Variants in RCOR1 observed in about 807,000 individuals in gnomAD.
The protein encoded by RCOR1 is REST corepressor 1.
In RCOR1, 12 loss-of-function variants were observed where a neutral mutation model predicts 64.0. The observed-to-expected ratio is 0.19, with a 90% CI of 0.12 to 0.30. RCOR1 has a LOEUF of 0.30. Ranked by LOEUF, RCOR1 falls within the 10% of genes least tolerant of loss-of-function variation. The pLI, the probability that RCOR1 is intolerant of heterozygous loss-of-function variation, is 1.00. For missense variants in RCOR1, 502 were observed against 621.2 expected, an observed-to-expected ratio of 0.81 and a Z score of 2.04; for synonymous variants, 279 against 227.2, an observed-to-expected ratio of 1.23 and a Z score of -2.05.
At chr14:102,672,848 G>A (rs1191157173) in intron 2 of RCOR1, among the ~76,000 whole-genome samples, 1 of 152,180 alleles carries the variant, frequency 6.6e-6, no homozygotes, top group East Asian at 1.9e-4. Flanking sequence ...CAGTTGACAA[G>A]TAAAATATAG....
In RCOR1 at chr14:102,707,395, A is replaced by G. The variant is rs931962759; in HGVS notation, c.543A>G (p.Ser181=). The G allele has an allele frequency of 2.5e-6, 4 of 1,613,348 alleles. No homozygotes were observed. The highest frequency in any genetic ancestry group is 1.3e-5 in the African/African-American group (1 of 74,884). ...GGCATAAACATAATATCGAAAAGTC[A>G]TTGGCTGATTTGCCCAACTTTACCC... ...LFWHKHNIEK[S]LADLPNFTPF... Residue 181 remains serine, a synonymous_variant, in exon 5 of 12, where the codon TCA becomes TCG. Coordinates refer to ENST00000262241, the MANE Select transcript of RCOR1 (RefSeq NM_015156.4).
chr14:102,719,734 GCTT>G (rs925744683), intron 8 of RCOR1, among the ~76,000 whole-genome samples: 1 of 152,146 alleles, frequency 6.6e-6, no homozygotes, highest in Non-Finnish European at 1.5e-5. Context: ...TACTCTCTCT[GCTT>G]CTTTTATAAC....
intron 2 of RCOR1, among the ~76,000 whole-genome samples, chr14:102,623,822 C>T (rs918950334): frequency 2.1e-4 from 32 of 151,446 alleles, no homozygotes; most frequent in Admixed American, 1.8e-3. Context: ...TTTGGGAGGC[C>T]GAGGCAGGCG....
At chr14:102,605,891 C>T (rs1893496630) in intron 2 of RCOR1, among the ~76,000 whole-genome samples, 3 of 151,984 alleles carry the variant, frequency 2.0e-5, no homozygotes, top group Middle Eastern at 3.2e-3. Flanking sequence ...ATGATCCTGA[C>T]TGTAGGCTAG....
chr14:102,713,193 A>G (rs991722929), intron 7 of RCOR1, among the ~76,000 whole-genome samples: 1 of 150,752 alleles, frequency 6.6e-6, no homozygotes, highest in African/African-American at 2.4e-5. Flanking sequence ...ACCTCAAGTG[A>G]TCCACCCACC....
chr14:102,712,652 C>T (rs1895983708), intron 7 of RCOR1, among the ~76,000 whole-genome samples: 1 of 142,728 alleles, frequency 7.0e-6, no homozygotes, highest in African/African-American at 2.5e-5. Context: ...GTTCTAGATA[C>T]ATTGTTAAGG....
At chr14:102,629,535 T>C (rs1410437336) in intron 2 of RCOR1, among the ~76,000 whole-genome samples, 1 of 151,420 alleles carries the variant, frequency 6.6e-6, no homozygotes, top group Non-Finnish European at 1.5e-5. Context: ...ACGGACGGAA[T>C]TTCGAAGCTT....
intron 7 of RCOR1, among the ~76,000 whole-genome samples, chr14:102,713,884 G>C (rs984537129): frequency 6.6e-6 from 1 of 152,196 alleles, no homozygotes; most frequent in Non-Finnish European, 1.5e-5. Context: ...TTACCAGTAA[G>C]TTATATTCTT....
intron 4 of RCOR1, among the ~76,000 whole-genome samples, chr14:102,702,482 T>TAA (rs1895772608): frequency 6.7e-6 from 1 of 149,760 alleles, no homozygotes. Context: ...ATCATATATA[T>TAA]AACATATAAA....
chr14:102,721,441 A>G (rs1462698438), intron 10 of RCOR1, 64 bp downstream of exon 10: 2 of 1,226,604 alleles, frequency 1.6e-6, no homozygotes, highest in African/African-American at 3.0e-5. Context: ...CTGTAATCCC[A>G]ACATTTTGGA....
At chr14:102,675,255 C>G (rs1895120043) in intron 2 of RCOR1, among the ~76,000 whole-genome samples, 2 of 152,026 alleles carry the variant, frequency 1.3e-5, no homozygotes, top group South Asian at 4.2e-4. Flanking sequence ...AATACTCCTC[C>G]CTTATCCATG....
At chr14:102,609,745 A>C (rs147853470) in intron 2 of RCOR1, among the ~76,000 whole-genome samples, 2 of 151,378 alleles carry the variant, frequency 1.3e-5, no homozygotes, top group African/African-American at 4.8e-5. Context: ...GCTACTGATG[A>C]CAGTGCAGAG....
At chr14:102,696,902 A>G (rs1308678168) in intron 3 of RCOR1, among the ~76,000 whole-genome samples, 1 of 147,838 alleles carries the variant, frequency 6.8e-6, no homozygotes, top group Non-Finnish European at 1.5e-5. Context: ...AGTTAAGGAA[A>G]CCACGTGGGA....
intron 2 of RCOR1, among the ~76,000 whole-genome samples, chr14:102,642,434 A>G (rs1894387898): frequency 6.6e-6 from 1 of 152,250 alleles, no homozygotes; most frequent in Non-Finnish European, 1.5e-5. Flanking sequence ...TCATTTGTTA[A>G]GAGTGATAAT....
intron 8 of RCOR1, among the ~76,000 whole-genome samples, chr14:102,720,499 C>T (rs1355401350): frequency 6.6e-6 from 1 of 152,210 alleles, no homozygotes; most frequent in East Asian, 1.9e-4. Flanking sequence ...CTCGCCCCCC[C>T]ATCATTAAAG....
intron 2 of RCOR1, among the ~76,000 whole-genome samples, chr14:102,666,311 G>A (rs1894915991): frequency 6.6e-6 from 1 of 152,322 alleles, no homozygotes; most frequent in South Asian, 2.1e-4. Context: ...GACAGCGGGG[G>A]AAGCAGCAGA....
intron 2 of RCOR1, among the ~76,000 whole-genome samples, chr14:102,597,686 G>C (rs1187508431): frequency 7.0e-6 from 1 of 142,164 alleles, no homozygotes; most frequent in Admixed American, 7.4e-5. Context: ...GCCCAGGCTG[G>C]AGTGCAGTGG....
At position 102,718,273 on chromosome 14, in the gene RCOR1, G is replaced by A. The variant is rs1051356356; in HGVS notation, c.1054-2734G>A. ...AACCCTCACATCTGCATTCAGGGCA[G>A]TATGAAGAGGAGGTGGGGGTGGAGG... On this transcript the variant is annotated intron_variant, in intron 8 of 11. Transcript: ENST00000262241. Among the ~76,000 whole-genome samples, 5 of 152,122 alleles carry A rather than the reference G, an allele frequency of 3.3e-5. No individual in the cohort carries two copies. The South Asian group carries it at 6.2e-4, about 19-fold the overall frequency.
chr14:102,608,825 A>G (rs1893568692), intron 2 of RCOR1, among the ~76,000 whole-genome samples: 1 of 150,720 alleles, frequency 6.6e-6, no homozygotes, highest in African/African-American at 2.4e-5. Flanking sequence ...TCAGCCTCCC[A>G]AAATGCTGAG....
Sources: gnomAD v4.1 joint callset for allele counts (sites outside exome capture counted in the v4.1 genomes callset) on GRCh38, gnomAD v4.1.1 for gene constraint, MANE v1.5 for transcripts, NCBI Gene and HGNC (gene_info 2026-07-23, HGNC 2026-07-21) for gene names.